NUTM2F: variants seen among roughly 807,000 people sequenced by gnomAD.
NUTM2F encodes family with sequence similarity 22, member F.
NUTM2F carries 22 observed loss-of-function variants against 43.3 expected under a neutral mutation model. The ratio of observed to expected loss-of-function variants is 0.51; its 90% CI spans 0.36 to 0.73. The LOEUF is 0.73. NUTM2F is among the 30% of genes least tolerant of loss of function. The probability of loss-of-function intolerance (pLI) is 0.00; values close to 1 mark genes in which losing one functional copy is unlikely to be tolerated. For missense variants in NUTM2F, 488 were observed against 927.4 expected, an observed-to-expected ratio of 0.53 and a Z score of 6.15; for synonymous variants, 202 against 389.0, an observed-to-expected ratio of 0.52 and a Z score of 5.66.
chr9:94,326,475 G>T (rs1420844111), intron 1 of NUTM2F, among the ~76,000 whole-genome samples: 2 of 152,152 alleles, frequency 1.3e-5, no homozygotes, highest in Non-Finnish European at 1.5e-5. Flanking sequence ...GATAGGCCGG[G>T]CGTGCTGGTT....
intron 2 of NUTM2F, among the ~76,000 whole-genome samples, chr9:94,322,552 T>C (rs1370545059): frequency 6.6e-6 from 1 of 152,202 alleles, no homozygotes; most frequent in African/African-American, 2.4e-5. Flanking sequence ...GTCCTCGGTG[T>C]TATGATGTTG....
intron 3 of NUTM2F, among the ~76,000 whole-genome samples, chr9:94,321,745 G>A (rs1831370027): frequency 6.8e-6 from 1 of 147,104 alleles, no homozygotes; most frequent in African/African-American, 2.5e-5. Flanking sequence ...AAGGCAGTCA[G>A]GCCAGAGAGG....
rs1291425580 is a variant in NUTM2F at position 94,319,233 on chromosome 9, GA to G, written c.1502del (p.Leu501ProfsTer4). 8.2e-6 allele frequency: 8 copies of G among 972,658 alleles called. No individual in the cohort carries two copies. The highest frequency in any genetic ancestry group is 1.2e-5 in the Non-Finnish European group (8 of 679,364). The allele number at this position is 972,658 out of a possible 1,614,324, so 60.3% of individuals were successfully genotyped here. On this transcript the variant is annotated frameshift_variant, in exon 7 of 7. Transcript: ENST00000253262. LOFTEE classifies it low-confidence loss of function (END_TRUNC). ...LTLAQLVEKR[L>X]LSLKEKGCGR... Reference sequence around the variant, plus strand: ...CGCACCCTTTCTCCTTCAAGGACAGGAGGCGCTTCTCCACTAGCTGCGGAAG... The same window carrying G: ...CGCACCCTTTCTCCTTCAAGGACAGGGGCGCTTCTCCACTAGCTGCGGAAG...
intron 1 of NUTM2F, among the ~76,000 whole-genome samples, chr9:94,327,951 G>C (rs1831471596): frequency 6.8e-6 from 1 of 147,646 alleles, no homozygotes; most frequent in South Asian, 2.1e-4. Flanking sequence ...GCCCTGTGTT[G>C]CCTGAACTTC....
chr9:94,319,489 C>T (rs967211557), intron 6 of NUTM2F, 124 bp downstream of exon 6: 36 of 884,596 alleles, frequency 4.1e-5, no homozygotes, highest in Middle Eastern at 3.5e-4. Flanking sequence ...CTTCCCACCC[C>T]GGAGTGGCTC....
chr9:94,328,602 G>T lies in NUTM2F; in HGVS notation c.16+6C>A, dbSNP rs148262415. The T allele has an allele frequency of 4.9e-3, 7,893 of 1,613,374 alleles. 200 individuals are homozygous for T. The African/African-American group carries it at 0.09, about 18-fold the overall frequency. On this transcript the variant is annotated splice_donor_region_variant and intron_variant, in intron 1 of 6. Coordinates refer to ENST00000253262, the MANE Select transcript of NUTM2F (RefSeq NM_017561.2). ...CTCGGATAATGCCCCATCCCTACAG[G>T]CTCACCTCCATTTGAAGCCATCCCC...
At position 94,320,658 on chromosome 9, in the gene NUTM2F, G is replaced by A; in HGVS notation, c.983-65C>T. The A allele has an allele frequency of 4.8e-6, 7 of 1,463,398 alleles. No homozygotes were observed. Among genetic ancestry groups the A allele is most frequent in the Non-Finnish European group, 6.4e-6 (7 of 1,090,606 alleles). The allele number at this position is 1,463,398 out of a possible 1,614,324, so 90.7% of individuals were successfully genotyped here. A position where few individuals can be genotyped will look rare whatever the true frequency, so the allele number is the denominator to read the frequency against. ...GCTCCTCCTGCCTGCACCACACAGG[G>A]GAGGGCAGGGCTTGGGGATGTGAAG... On this transcript the variant is annotated intron_variant, in intron 4 of 6. Coordinates refer to ENST00000253262, the MANE Select transcript of NUTM2F (RefSeq NM_017561.2). This position sits in a 1 kb window ranked among gnomAD's most constrained non-coding sequence, Gnocchi z 4.5.
At chr9:94,327,272 T>A (rs1009222440) in intron 1 of NUTM2F, among the ~76,000 whole-genome samples, 2 of 151,710 alleles carry the variant, frequency 1.3e-5, no homozygotes, top group Non-Finnish European at 2.9e-5. Flanking sequence ...CCCAGCCAAT[T>A]TTTGTATTTT....
chr9:94,319,855 A>G (rs1831332688), intron 5 of NUTM2F, 126 bp from the exon 6 acceptor site: 1 of 1,186,736 alleles, frequency 8.4e-7, no homozygotes, highest in African/African-American at 1.6e-5. Flanking sequence ...GTTTCATATC[A>G]TGGCGACCAC....
At chr9:94,326,092 C>T (rs1430170019) in intron 1 of NUTM2F, among the ~76,000 whole-genome samples, 158 bp from the exon 2 acceptor site, 3 of 151,928 alleles carry the variant, frequency 2.0e-5, no homozygotes, top group East Asian at 1.9e-4. Flanking sequence ...TGTTCCTCCA[C>T]GGCAGAGTCG....
At chr9:94,327,310 G>A (rs1210158871) in intron 1 of NUTM2F, among the ~76,000 whole-genome samples, 1 of 151,714 alleles carries the variant, frequency 6.6e-6, no homozygotes, top group Non-Finnish European at 1.5e-5. Context: ...CACCATATTG[G>A]TCAGGCTGGT....
Position 94,325,273 on chromosome 9 carries a change from C to T in NUTM2F, c.678G>A (p.Gln226=), listed in dbSNP as rs1412513934. 3.1e-6 allele frequency: 3 copies of T among 970,004 alleles called. No homozygotes were observed. The highest frequency in any genetic ancestry group is 1.7e-5 in the South Asian group (1 of 58,902). 60.1% of individuals were successfully genotyped at this position (970,004 alleles called of 1,614,324 possible). ...AGGAAAGCGCTTCAGTGTCAGGACT[C>T]TGGGGAAGGTGCCTCCGGGCCAGGG... The part of the protein sequence containing the change: ...YKPLARRHLP[Q]SPDTEALSCF... The change falls in exon 2 of 7, where the codon CAG becomes CAA. Residue 226 remains glutamine, a synonymous_variant. Transcript: ENST00000253262.
intron 3 of NUTM2F, among the ~76,000 whole-genome samples, chr9:94,321,433 C>A (rs1412245538): frequency 6.6e-6 from 1 of 150,380 alleles, no homozygotes; most frequent in Non-Finnish European, 1.5e-5. Context: ...CCCTGCAGAG[C>A]CCATGGCATC....
chr9:94,326,657 T>C (rs1339670014), intron 1 of NUTM2F, among the ~76,000 whole-genome samples: 1 of 148,600 alleles, frequency 6.7e-6, no homozygotes, highest in East Asian at 2.0e-4. Context: ...GACAGGAGAA[T>C]TGCTTGAACC....
chr9:94,318,284 CT>C lies in NUTM2F; in HGVS notation c.*180del. The C allele has an allele frequency of 3.5e-6, 1 of 284,678 alleles. No homozygotes were observed. The highest frequency in any genetic ancestry group is 6.1e-6 in the Non-Finnish European group (1 of 163,358). 17.6% of individuals were successfully genotyped at this position (284,678 alleles called of 1,614,324 possible). A position where few individuals can be genotyped will look rare whatever the true frequency, so the allele number is the denominator to read the frequency against. On this transcript the variant is annotated 3_prime_UTR_variant, in exon 7 of 7. Coordinates refer to ENST00000253262, the MANE Select transcript of NUTM2F (RefSeq NM_017561.2). Reference sequence around the variant, plus strand: ...ACCCCCCAGGCCCTCCCTTCCTGCCCTCCCCGTTCAGCCACCTTCTCCCTCC... The same window carrying C: ...ACCCCCCAGGCCCTCCCTTCCTGCCCCCCCGTTCAGCCACCTTCTCCCTCC...
In NUTM2F at chr9:94,320,689, C is replaced by T. The variant is rs544269440; in HGVS notation, c.983-96G>A. Reference sequence around the variant, plus strand: ...CAGGGCTTGGGGATGTGAAGTGGGTCCCAGCTGGGTCAGGACCACCTGAAC... The same window carrying T: ...CAGGGCTTGGGGATGTGAAGTGGGTTCCAGCTGGGTCAGGACCACCTGAAC... On this transcript the variant is annotated intron_variant, in intron 4 of 6. Coordinates refer to ENST00000253262, the MANE Select transcript of NUTM2F (RefSeq NM_017561.2). This position sits in a 1 kb window ranked among gnomAD's most constrained non-coding sequence, Gnocchi z 4.5. The T allele has an allele frequency of 5.6e-5, 79 of 1,419,284 alleles. No homozygotes were observed. Among genetic ancestry groups the T allele is most frequent in the Non-Finnish European group, 7.1e-5 (75 of 1,061,954 alleles). The allele number at this position is 1,419,284 out of a possible 1,614,324, so 87.9% of individuals were successfully genotyped here. A position where few individuals can be genotyped will look rare whatever the true frequency, so the allele number is the denominator to read the frequency against.
chr9:94,318,645 C>T lies in NUTM2F; in HGVS notation c.2091G>A (p.Lys697=). Residue 697 remains lysine (K), a synonymous_variant, in exon 7 of 7, where the codon AAG becomes AAA. Coordinates refer to ENST00000253262, the MANE Select transcript of NUTM2F (RefSeq NM_017561.2). ...SPSPSPASKS[K]KRPLFGSPSP... ...ATGGGCTTCCAAAGAGAGGTCGCTT[C>T]TTGGACTTGCTGGCAGGAGAAGGTG... 10 of 1,486,284 alleles carry T rather than the reference C, an allele frequency of 6.7e-6. No individual in the cohort carries two copies. The highest frequency in any genetic ancestry group is 8.9e-6 in the Non-Finnish European group (10 of 1,120,058). The allele number at this position is 1,486,284 out of a possible 1,614,324, so 92.1% of individuals were successfully genotyped here.
At chr9:94,323,419 C>T (rs878894452) in intron 2 of NUTM2F, among the ~76,000 whole-genome samples, 16 of 152,304 alleles carry the variant, frequency 1.1e-4, no homozygotes, top group East Asian at 3.9e-4. Context: ...AGAGGTGCCG[C>T]GGGGTGGAGA....
At chr9:94,326,719 G>A (rs567496993) in intron 1 of NUTM2F, among the ~76,000 whole-genome samples, 255 of 141,208 alleles carry the variant, frequency 1.8e-3, no homozygotes, top group Middle Eastern at 4.0e-3. Context: ...ATTCCAGCCC[G>A]GGTGACAGAG....
Sources: allele counts gnomAD v4.1 joint callset (sites outside exome capture counted in the v4.1 genomes callset), GRCh38; gene constraint gnomAD v4.1.1; non-coding constraint Gnocchi (gnomAD v3.1); transcripts MANE v1.5; gene names NCBI Gene and HGNC (gene_info 2026-07-23, HGNC 2026-07-21).